KATNIP: variants seen among roughly 807,000 people sequenced by gnomAD.
KATNIP encodes katanin-interacting protein.
Under a neutral mutation model 174.0 loss-of-function variants are expected in KATNIP, and 126 were observed. That is an observed-to-expected ratio of 0.72 (90% CI 0.63 to 0.84). The LOEUF is 0.84. KATNIP is among the 40% of genes least tolerant of loss of function. KATNIP has a pLI of 0.00. For missense variants in KATNIP, 1,958 were observed against 2,109.7 expected (o/e 0.93, Z 1.41); for synonymous variants, 810 against 835.7 (o/e 0.97, Z 0.53).
chr16:27,618,588 A>C, intron 3 of KATNIP, 87 bp downstream of exon 3: 1 of 901,720 alleles, frequency 1.1e-6, no homozygotes, highest in Non-Finnish European at 1.8e-6. Context: ...GCCCTGCCTC[A>C]CATAGGAATG....
At chr16:27,656,140 T>G (rs1244612055) in intron 6 of KATNIP, among the ~76,000 whole-genome samples, 1 of 152,098 alleles carries the variant, frequency 6.6e-6, no homozygotes, top group Non-Finnish European at 1.5e-5. Context: ...GAAATGTCAG[T>G]GGCAGCCAGG....
At chr16:27,606,017 C>T (rs2075691901) in intron 2 of KATNIP, among the ~76,000 whole-genome samples, 1 of 152,140 alleles carries the variant, frequency 6.6e-6, no homozygotes, top group African/African-American at 2.4e-5. Context: ...GTAGTCCCAG[C>T]TACTGGGGAG....
intron 21 of KATNIP, among the ~76,000 whole-genome samples, chr16:27,770,348 C>T (rs1010859856): frequency 1.3e-5 from 2 of 152,208 alleles, no homozygotes; most frequent in African/African-American, 2.4e-5. Flanking sequence ...TTCCTTCTCC[C>T]GTTTCTGTGT....
At chr16:27,602,027 G>A (rs1171511865) in intron 2 of KATNIP, among the ~76,000 whole-genome samples, 1 of 152,164 alleles carries the variant, frequency 6.6e-6, no homozygotes, top group African/African-American at 2.4e-5. Context: ...AGGATTGAGA[G>A]GCTCTGACAG....
intron 6 of KATNIP, among the ~76,000 whole-genome samples, chr16:27,671,018 T>A (rs941242554): frequency 6.6e-6 from 1 of 151,696 alleles, no homozygotes; most frequent in African/African-American, 2.4e-5. Flanking sequence ...GTGGGGAAAC[T>A]CCATCTCTAC....
At chr16:27,684,816 CATTTTTATAA>C (rs1597165638) in intron 8 of KATNIP, among the ~76,000 whole-genome samples, 1 of 152,154 alleles carries the variant, frequency 6.6e-6, no homozygotes, top group East Asian at 1.9e-4. Context: ...CCAAATGTGC[CATTTTTATAA>C]AGACAGATGA....
intron 14 of KATNIP, among the ~76,000 whole-genome samples, chr16:27,725,266 G>A (rs147960390): frequency 2.7e-4 from 41 of 152,338 alleles, no homozygotes; most frequent in African/African-American, 9.6e-4. Flanking sequence ...GAGGCAGGTG[G>A]TGGTATTTCC....
At chr16:27,766,229 C>A in intron 19 of KATNIP, 80 bp from the exon 20 acceptor site, 10 of 1,497,706 alleles carry the variant, frequency 6.7e-6, no homozygotes, top group Non-Finnish European at 9.1e-6. Flanking sequence ...GTACTTGGGG[C>A]CGAGGGGGTG....
chr16:27,726,912 C>T (rs1273781842), intron 14 of KATNIP, among the ~76,000 whole-genome samples: 1 of 152,200 alleles, frequency 6.6e-6, no homozygotes, highest in Non-Finnish European at 1.5e-5. Flanking sequence ...GAGGTGGGGA[C>T]CAGATCCTGT....
intron 3 of KATNIP, among the ~76,000 whole-genome samples, chr16:27,618,957 A>AT (rs2076120841): frequency 1.3e-5 from 2 of 152,254 alleles, no homozygotes; most frequent in South Asian, 4.1e-4. Context: ...AGTAGGACTG[A>AT]TTTTGTCTCT....
intron 2 of KATNIP, among the ~76,000 whole-genome samples, chr16:27,600,886 C>T (rs375126079): frequency 3.9e-5 from 6 of 152,230 alleles, no homozygotes; most frequent in South Asian, 4.1e-4. Flanking sequence ...CACACCACCA[C>T]GCCCAGCTAA....
At chr16:27,698,015 A>G (rs2078974775) in intron 8 of KATNIP, among the ~76,000 whole-genome samples, 1 of 152,194 alleles carries the variant, frequency 6.6e-6, no homozygotes, top group Non-Finnish European at 1.5e-5. Context: ...AATTCAGGAT[A>G]TTTAGCATTA....
chr16:27,580,072 T>C (rs2090639266), intron 2 of KATNIP, among the ~76,000 whole-genome samples: 1 of 152,074 alleles, frequency 6.6e-6, no homozygotes, highest in Non-Finnish European at 1.5e-5. Flanking sequence ...ACACCTCTGC[T>C]CTCCTCTGGG....
chr16:27,722,611 A>G (rs1290243274), intron 14 of KATNIP, among the ~76,000 whole-genome samples: 1 of 152,128 alleles, frequency 6.6e-6, no homozygotes, highest in African/African-American at 2.4e-5. Context: ...TTCCTTTCAA[A>G]TCTGTAAGGG....
At chr16:27,678,236 A>G (rs758092297) in intron 7 of KATNIP, among the ~76,000 whole-genome samples, 1 of 152,298 alleles carries the variant, frequency 6.6e-6, no homozygotes, top group South Asian at 2.1e-4. Context: ...TGTTCTGTAC[A>G]CTGTAAGATG....
At chr16:27,677,445 C>T (rs1051523109) in intron 6 of KATNIP, among the ~76,000 whole-genome samples, 1 of 151,978 alleles carries the variant, frequency 6.6e-6, no homozygotes, top group Non-Finnish European at 1.5e-5. Context: ...TTCTCTCTCC[C>T]TCTCCTTCAC....
chr16:27,646,276 TG>T (rs1199670594), intron 5 of KATNIP, among the ~76,000 whole-genome samples: 2 of 152,218 alleles, frequency 1.3e-5, no homozygotes, highest in African/African-American at 4.8e-5. Flanking sequence ...AGGGACAGGA[TG>T]GTCCCCAGCA....
chr16:27,755,176 C>G (rs2081670531), intron 18 of KATNIP: 1 of 148,356 alleles, frequency 6.7e-6, no homozygotes, highest in Non-Finnish European at 1.5e-5. Context: ...CTGTCAGGAT[C>G]CCCTCCCCAC....
intron 1 of KATNIP, among the ~76,000 whole-genome samples, chr16:27,552,957 G>A (rs886490519): frequency 6.6e-6 from 1 of 152,178 alleles, no homozygotes; most frequent in Admixed American, 6.5e-5. Flanking sequence ...GCCTCCCAAA[G>A]TGCTGGGATT....
Sources: allele counts gnomAD v4.1 joint callset (sites outside exome capture counted in the v4.1 genomes callset), GRCh38; gene constraint gnomAD v4.1.1; transcripts MANE v1.5; gene names NCBI Gene and HGNC (gene_info 2026-07-23, HGNC 2026-07-21).